Variants in NEK9 observed in about 807,000 individuals in gnomAD.
The protein encoded by NEK9 is serine/threonine-protein kinase Nek9.
In NEK9, 75 loss-of-function variants were observed where a neutral mutation model predicts 123.4. That is an observed-to-expected ratio of 0.61 (90% CI 0.50 to 0.74). NEK9 has a LOEUF of 0.74. Ranked by LOEUF, NEK9 falls within the 30% of genes least tolerant of loss-of-function variation. The pLI, the probability that NEK9 is intolerant of heterozygous loss-of-function variation, is 0.00. For missense variants in NEK9, 952 were observed against 1,214.4 expected (o/e 0.78, Z 3.21); for synonymous variants, 438 against 458.7 (o/e 0.95, Z 0.58).
chr14:75,093,334 C>T (rs1894279887), intron 18 of NEK9, among the ~76,000 whole-genome samples: 1 of 152,222 alleles, frequency 6.6e-6, no homozygotes, highest in South Asian at 2.1e-4. Flanking sequence ...GTGTGAATTC[C>T]TTCCTTCTCT....
At chr14:75,110,423 G>C in intron 8 of NEK9, 52 bp from the exon 9 acceptor site, 3 of 1,367,190 alleles carry the variant, frequency 2.2e-6, no homozygotes, top group Non-Finnish European at 3.1e-6. Context: ...TTTTTATATT[G>C]CAAAGGTGTC....
In NEK9 at chr14:75,080,642, C is replaced by CA. The variant is rs1893843586; in HGVS notation, c.*3921_*3922insT. The CA allele has an allele frequency of 7.0e-6, 1 of 142,720 alleles. No homozygotes were observed. Among genetic ancestry groups the CA allele is most frequent in the Non-Finnish European group, 1.5e-5 (1 of 64,582 alleles). The allele number at this position is 142,720 out of a possible 1,614,324, so 8.8% of individuals were successfully genotyped here. On this transcript the variant is annotated 3_prime_UTR_variant, in exon 22 of 22. Coordinates refer to ENST00000238616, the MANE Select transcript of NEK9 (RefSeq NM_033116.6). The stretch of plus-strand genomic sequence containing the variant: ...ATGCAGATGTGCCGAGACAGTATTT[C>CA]TTTTTTTTTTTTTTTGAGACGGAGT...
Position 75,081,678 on chromosome 14 carries a change from A to G in NEK9, c.*2886T>C, listed in dbSNP as rs1893871969. Reference sequence around the variant, plus strand: ...TACTTTTGCTTTAAACTTCAGTGAAATGCTCAGCCAAGAGAAGTTGTAACT... The same window carrying G: ...TACTTTTGCTTTAAACTTCAGTGAAGTGCTCAGCCAAGAGAAGTTGTAACT... On this transcript the variant is annotated 3_prime_UTR_variant, in exon 22 of 22. Transcript: ENST00000238616. The surrounding 1 kb of genome is among the most constrained non-coding windows in gnomAD (Gnocchi z 4.2). 6.6e-6 allele frequency: 1 copy of G among 152,238 alleles called. No homozygotes were observed. Among genetic ancestry groups the G allele is most frequent in the Non-Finnish European group, 1.5e-5 (1 of 68,040 alleles). 9.4% of individuals were successfully genotyped at this position (152,238 alleles called of 1,614,324 possible). A position where few individuals can be genotyped will look rare whatever the true frequency, so the allele number is the denominator to read the frequency against.
At position 75,114,882 on chromosome 14, in the gene NEK9, A is replaced by C. The variant is rs139422197; in HGVS notation, c.763-569T>G. ...TATCATTATCAATTTATATATGAGAAAAATGGGGCTCAGAGATGTAAAGTA... is the reference window on the plus strand; with the variant it reads ...TATCATTATCAATTTATATATGAGACAAATGGGGCTCAGAGATGTAAAGTA... On this transcript the variant is annotated intron_variant, in intron 6 of 21. Transcript: ENST00000238616. 1.2e-3 allele frequency among the ~76,000 whole-genome samples: 190 copies of C among 152,318 alleles called. 1 individual carries two copies. Among genetic ancestry groups the C allele is most frequent in the African/African-American group, 4.5e-3 (189 of 41,580 alleles).
chr14:75,113,499 T>C, intron 7 of NEK9, 96 bp from the exon 8 acceptor site: 2 of 875,586 alleles, frequency 2.3e-6, no homozygotes, highest in Non-Finnish European at 3.7e-6. Context: ...CATTATCCTT[T>C]TGTTTTAAAA....
At chr14:75,120,428 TA>T (rs1566659959) in intron 4 of NEK9, 81 bp downstream of exon 4, 8 of 893,566 alleles carry the variant, frequency 9.0e-6, no homozygotes, top group Non-Finnish European at 3.6e-6. Flanking sequence ...ACCAAGAAAA[TA>T]AAAGTGTTGT....
intron 13 of NEK9, 119 bp downstream of exon 13, chr14:75,105,831 A>T: frequency 2.6e-6 from 2 of 780,732 alleles, no homozygotes; most frequent in South Asian, 3.4e-5. Context: ...TCAGTCTCCC[A>T]AACAGGAAAC....
At chr14:75,090,280 T>C (rs1050686720) in intron 19 of NEK9, among the ~76,000 whole-genome samples, 2 of 150,524 alleles carry the variant, frequency 1.3e-5, no homozygotes, top group Non-Finnish European at 3.0e-5. Flanking sequence ...GCTCGGTCTT[T>C]TTTTTTTTTT....
At chr14:75,119,778 T>C (rs894806911) in intron 4 of NEK9, among the ~76,000 whole-genome samples, 3 of 152,230 alleles carry the variant, frequency 2.0e-5, no homozygotes, top group South Asian at 4.1e-4. Context: ...ATTGACCATA[T>C]GTAAAACAAA....
chr14:75,095,245 T>C (rs922010921), intron 18 of NEK9, 127 bp downstream of exon 18: 2 of 621,716 alleles, frequency 3.2e-6, no homozygotes, highest in Admixed American at 5.8e-5. Flanking sequence ...TCTTCTCTCT[T>C]AACCACTGTA....
Position 75,126,943 on chromosome 14 carries a change from G to A in NEK9, c.-22C>T. The A allele has an allele frequency of 6.9e-7, 1 of 1,443,162 alleles. No individual in the cohort carries two copies. The highest frequency in any genetic ancestry group is 9.2e-7 in the Non-Finnish European group (1 of 1,091,392). The allele number at this position is 1,443,162 out of a possible 1,614,324, so 89.4% of individuals were successfully genotyped here. A position where few individuals can be genotyped will look rare whatever the true frequency, so the allele number is the denominator to read the frequency against. On this transcript the variant is annotated 5_prime_UTR_variant, in exon 1 of 22. Coordinates refer to ENST00000238616, the MANE Select transcript of NEK9 (RefSeq NM_033116.6). ...ACATGGCGGCGGCCGCGGGCCTTGG[G>A]GACCAGCCTGCGTATGCCCGGAGGC...
At chr14:75,120,725 G>A (rs780346535) in intron 3 of NEK9, 145 bp from the exon 4 acceptor site, 13 of 651,900 alleles carry the variant, frequency 2.0e-5, no homozygotes, top group East Asian at 1.6e-4. Context: ...TGCAGGTTGA[G>A]TAGGCAAAGA....
At chr14:75,101,606 T>C in intron 15 of NEK9, 51 bp downstream of exon 15, 1 of 1,278,030 alleles carries the variant, frequency 7.8e-7, no homozygotes, top group Admixed American at 1.8e-5. Context: ...CCTGATAGAA[T>C]AAAAGAGGCT....
At chr14:75,118,731 T>A (rs1053594809) in intron 5 of NEK9, 99 bp downstream of exon 5, 1 of 736,054 alleles carries the variant, frequency 1.4e-6, no homozygotes, top group Admixed American at 2.6e-5. Context: ...ATGGAGAACT[T>A]GCAAGAATAT....
In NEK9 at chr14:75,097,136, G is replaced by A; in HGVS notation, c.2137C>T (p.Leu713=). Residue 713 remains leucine (L), a synonymous_variant, in exon 17 of 22, where the codon CTG becomes TTG. Transcript: ENST00000238616. The part of the protein sequence containing the change: ...IFGSLHHVPD[L]SCRGWHTILI... ...ATGGTATGCCATCCACGGCAAGACAGGTCCGGGACATGATGCAGAGATCCA... is the reference window on the plus strand; with the variant it reads ...ATGGTATGCCATCCACGGCAAGACAAGTCCGGGACATGATGCAGAGATCCA... The A allele has an allele frequency of 1.2e-6, 2 of 1,612,528 alleles. No homozygotes were observed. The highest frequency in any genetic ancestry group is 1.7e-6 in the Non-Finnish European group (2 of 1,179,200).
intron 14 of NEK9, 144 bp downstream of exon 14, chr14:75,103,698 C>T: frequency 1.2e-6 from 1 of 825,514 alleles, no homozygotes. Flanking sequence ...CTCTTTGTGG[C>T]TGGCTTCTTT....
In NEK9 at chr14:75,088,486, T is replaced by G. The variant is rs755472877; in HGVS notation, c.2598A>C (p.Glu866Asp). The change falls in exon 20 of 22, where the codon GAA becomes GAC. Residue 866 changes from glutamate (E) to aspartate (D), a missense_variant. Glu to Asp is a conservative substitution (Grantham distance 45). This residue lies in a region of NEK9 where 698 missense variants were observed against 875.6 expected (regional missense o/e 0.80). Transcript: ENST00000238616. The part of the protein sequence containing the change: ...EAPLEHKPQV[E>D]ASSPRLNPAV... The stretch of plus-strand genomic sequence containing the variant: ...AGGCAAAAAGCTCAGTTACCGAGGC[T>G]TCTACTTGGGGTTTGTGTTCCAAAG... 1.2e-6 allele frequency: 2 copies of G among 1,613,486 alleles called. No individual in the cohort carries two copies. Among genetic ancestry groups the G allele is most frequent in the South Asian group, 2.2e-5 (2 of 91,006 alleles).
In NEK9 at chr14:75,126,773, A is replaced by G; in HGVS notation, c.149T>C (p.Leu50Pro). Residue 50 changes from leucine (L) to proline (P), a missense_variant, in exon 1 of 22, where the codon CTG (leucine) becomes CCG (proline). Physicochemically the swap from Leu to Pro is moderately conservative, Grantham distance 98. This residue lies in a region of NEK9 where 120 missense variants were observed against 97.6 expected (regional missense o/e 1.23). Transcript: ENST00000238616. ...AGGGAAEQEE[L>P]HYIPIRVLGR... ...CAGGACGCGGATGGGGATGTAGTGCAGTTCCTCCTGCTCCGCCGCGCCGCC... is the reference window on the plus strand; with the variant it reads ...CAGGACGCGGATGGGGATGTAGTGCGGTTCCTCCTGCTCCGCCGCGCCGCC... 1 of 1,531,104 alleles carries G rather than the reference A, an allele frequency of 6.5e-7. No individual in the cohort carries two copies. The highest frequency in any genetic ancestry group is 8.8e-7 in the Non-Finnish European group (1 of 1,139,962). The allele number at this position is 1,531,104 out of a possible 1,614,324, so 94.8% of individuals were successfully genotyped here. A position where few individuals can be genotyped will look rare whatever the true frequency, so the allele number is the denominator to read the frequency against.
chr14:75,112,659 T>C (rs1001693043), intron 8 of NEK9, among the ~76,000 whole-genome samples: 6 of 152,026 alleles, frequency 3.9e-5, no homozygotes, highest in South Asian at 2.1e-4. Context: ...CCCGTCTCTA[T>C]AAAAATAGAA....
Sources: gnomAD v4.1 joint callset for allele counts (sites outside exome capture counted in the v4.1 genomes callset) on GRCh38, gnomAD v4.1.1 for gene constraint, gnomAD v4.1.1 regional missense constraint, Gnocchi (gnomAD v3.1) non-coding constraint, MANE v1.5 for transcripts, NCBI Gene and HGNC (gene_info 2026-07-23, HGNC 2026-07-21) for gene names.